DCC: variants seen among roughly 807,000 people sequenced by gnomAD.
DCC encodes DCC netrin 1 receptor.
Under a neutral mutation model 172.5 loss-of-function variants are expected in DCC, and 58 were observed. The observed-to-expected ratio is 0.34, with a 90% CI of 0.27 to 0.42. The LOEUF is 0.42. DCC is among the 10% of genes least tolerant of loss of function. The pLI is 1.00. For missense variants in DCC, 1,740 were observed against 1,791.0 expected, an observed-to-expected ratio of 0.97 and a Z score of 0.51; for synonymous variants, 709 against 644.5, an observed-to-expected ratio of 1.10 and a Z score of -1.52.
At chr18:52,723,668 G>C in intron 1 of DCC, among the ~76,000 whole-genome samples, 1 of 152,166 alleles carries the variant, frequency 6.6e-6, no homozygotes, top group East Asian at 1.9e-4. Context: ...GGAATGTTCT[G>C]TCTGAGGCTG....
intron 1 of DCC, among the ~76,000 whole-genome samples, chr18:52,633,254 C>T (rs2034711549): frequency 1.3e-5 from 2 of 152,216 alleles, no homozygotes; most frequent in Admixed American, 1.3e-4. Flanking sequence ...TCTGTTTATC[C>T]TCAAAATCTA....
intron 5 of DCC, among the ~76,000 whole-genome samples, chr18:53,061,354 T>C (rs1011557814): frequency 1.8e-4 from 28 of 152,130 alleles, no homozygotes; most frequent in African/African-American, 6.8e-4. Flanking sequence ...GTGTGTGTGT[T>C]TGTATACATA....
intron 13 of DCC, among the ~76,000 whole-genome samples, chr18:53,313,746 GTC>G (rs1311249031): frequency 1.1e-4 from 16 of 152,162 alleles, no homozygotes; most frequent in African/African-American, 3.9e-4. Context: ...TGTTGCTAAT[GTC>G]TCTCTTGGGT....
intron 15 of DCC, among the ~76,000 whole-genome samples, chr18:53,375,243 T>G (rs2058098281): frequency 1.3e-5 from 1 of 78,790 alleles, no homozygotes; most frequent in South Asian, 3.1e-4. Flanking sequence ...ATCTTTATCT[T>G]TATAGTTCTT....
intron 2 of DCC, among the ~76,000 whole-genome samples, chr18:52,865,795 G>A (rs559402166): frequency 2.0e-5 from 3 of 152,064 alleles, no homozygotes; most frequent in African/African-American, 4.8e-5. Context: ...CCATTCTGTA[G>A]GTTCAGCATG....
At chr18:53,301,306 C>T (rs950432343) in intron 12 of DCC, among the ~76,000 whole-genome samples, 11 of 151,872 alleles carry the variant, frequency 7.2e-5, no homozygotes, top group Non-Finnish European at 1.3e-4. Flanking sequence ...TCAGGCTGGT[C>T]TCGAACTCCT....
intron 1 of DCC, among the ~76,000 whole-genome samples, chr18:52,452,059 C>T (rs1988322302): frequency 6.6e-6 from 1 of 152,102 alleles, no homozygotes; most frequent in African/African-American, 2.4e-5. Context: ...CCCCAGTTTG[C>T]AGATAGAGGG....
intron 2 of DCC, among the ~76,000 whole-genome samples, chr18:52,856,968 G>T (rs894325717): frequency 6.6e-6 from 1 of 152,190 alleles, no homozygotes; most frequent in Non-Finnish European, 1.5e-5. Context: ...GGCTATGAGT[G>T]TGGGTCTCAG....
At chr18:53,383,187 CGTT>C (rs1907897303) in intron 15 of DCC, among the ~76,000 whole-genome samples, 2 of 151,926 alleles carry the variant, frequency 1.3e-5, no homozygotes, top group Admixed American at 6.6e-5. Flanking sequence ...CATACTGTCT[CGTT>C]GTCTCTATTT....
intron 1 of DCC, among the ~76,000 whole-genome samples, chr18:52,571,231 T>C (rs1483483071): frequency 2.0e-5 from 3 of 151,874 alleles, no homozygotes; most frequent in South Asian, 2.1e-4. Flanking sequence ...AAATTCAAAA[T>C]ATTCAGATGG....
chr18:52,810,326 A>T (rs1024899404), intron 2 of DCC, among the ~76,000 whole-genome samples: 1 of 152,116 alleles, frequency 6.6e-6, no homozygotes, highest in Non-Finnish European at 1.5e-5. Context: ...AGTGAGAACG[A>T]TGCAAGCCAG....
intron 25 of DCC, among the ~76,000 whole-genome samples, chr18:53,484,034 A>G (rs1317351890): frequency 6.6e-6 from 1 of 151,862 alleles, no homozygotes; most frequent in Non-Finnish European, 1.5e-5. Flanking sequence ...GTATATATAT[A>G]TGAATGAGTA....
chr18:53,168,422 G>C (rs541269696), intron 8 of DCC, among the ~76,000 whole-genome samples: 69 of 152,134 alleles, frequency 4.5e-4, no homozygotes, highest in African/African-American at 1.5e-3. Context: ...GCAGGGACAT[G>C]GATGAAGCTG....
At chr18:52,870,615 GA>G (rs1028013730) in intron 2 of DCC, among the ~76,000 whole-genome samples, 3 of 152,050 alleles carry the variant, frequency 2.0e-5, no homozygotes, top group African/African-American at 7.2e-5. Flanking sequence ...TTGGCCTTTT[GA>G]GATATCTTTT....
intron 1 of DCC, among the ~76,000 whole-genome samples, chr18:52,749,684 C>A (rs2036965637): frequency 6.6e-6 from 1 of 152,102 alleles, no homozygotes; most frequent in Non-Finnish European, 1.5e-5. Flanking sequence ...TTGTTTCAGA[C>A]TAAGTGGATT....
chr18:53,348,082 T>C lies in DCC; in HGVS notation c.2359+8175T>C, dbSNP rs559147080. Reference sequence around the variant, plus strand: ...TTCCCAGCAGTCCCCCAAAGTCTTATTTCAGCATTAACTCAAAAGTCCACA... The same window carrying C: ...TTCCCAGCAGTCCCCCAAAGTCTTACTTCAGCATTAACTCAAAAGTCCACA... On this transcript the variant is annotated intron_variant, in intron 15 of 28. Coordinates refer to ENST00000442544, the MANE Select transcript of DCC (RefSeq NM_005215.4). 2.0e-3 allele frequency among the ~76,000 whole-genome samples: 306 copies of C among 152,238 alleles called. 1 individual carries two copies. Among genetic ancestry groups the C allele is most frequent in the Non-Finnish European group, 3.4e-3 (231 of 68,008 alleles).
intron 7 of DCC, among the ~76,000 whole-genome samples, chr18:53,120,509 T>C (rs2043468721): frequency 6.6e-6 from 1 of 151,846 alleles, no homozygotes; most frequent in African/African-American, 2.4e-5. Flanking sequence ...GATTACATAA[T>C]GCAATTTAAG....
chr18:52,919,031 TGA>T (rs1259283125), intron 3 of DCC, among the ~76,000 whole-genome samples: 2 of 152,200 alleles, frequency 1.3e-5, no homozygotes, highest in African/African-American at 4.8e-5. Flanking sequence ...TGCATTTGGC[TGA>T]GAGAGAGGTT....
At chr18:53,190,557 T>A in intron 9 of DCC, among the ~76,000 whole-genome samples, 1 of 151,930 alleles carries the variant, frequency 6.6e-6, no homozygotes, top group Non-Finnish European at 1.5e-5. Flanking sequence ...AAACATTAAT[T>A]ACCTTTTGAT....
Sources: allele counts gnomAD v4.1 joint callset (sites outside exome capture counted in the v4.1 genomes callset), GRCh38; gene constraint gnomAD v4.1.1; transcripts MANE v1.5; gene names NCBI Gene and HGNC (gene_info 2026-07-23, HGNC 2026-07-21).